The following PJVK variants were observed in gnomAD, a reference collection of about 807,000 sequenced individuals.
The protein encoded by PJVK is autosomal recessive deafness type 59 protein.
PJVK carries 33 observed loss-of-function variants against 37.6 expected under a neutral mutation model. That is an observed-to-expected ratio of 0.88 (90% CI 0.67 to 1.17). PJVK has a LOEUF of 1.17. PJVK is among the 50% of genes most tolerant of loss of function. The pLI, the probability that PJVK is intolerant of heterozygous loss-of-function variation, is 0.00. For missense variants in PJVK, 410 were observed against 413.8 expected, an observed-to-expected ratio of 0.99 and a Z score of 0.08; for synonymous variants, 141 against 143.5, an observed-to-expected ratio of 0.98 and a Z score of 0.13.
At position 178,453,458 on chromosome 2, in the gene PJVK, G is replaced by A. The variant is rs886043614; in HGVS notation, c.49G>A (p.Gly17Arg). Residue 17 changes from glycine (G) to arginine (R), a missense_variant, in exon 2 of 7, where the codon GGG (glycine) becomes AGG (arginine). Physicochemically the swap from Gly to Arg is moderately radical, Grantham distance 125 (BLOSUM62 -2). Coordinates refer to ENST00000644580, the MANE Select transcript of PJVK (RefSeq NM_001042702.5). ...KSFVKQVGDG[G>R]RLVPVPSLSE... ...CTTTGTCAAGCAAGTTGGAGATGGA[G>A]GGAGATTAGTTCCTGTTCCAAGCCT... 1 of 1,614,120 alleles carries A rather than the reference G, an allele frequency of 6.2e-7. No individual in the cohort carries two copies. The highest frequency in any genetic ancestry group is 8.5e-7 in the Non-Finnish European group (1 of 1,180,000).
At position 178,453,591 on chromosome 2, in the gene PJVK, T is replaced by C. The variant is rs1421400741; in HGVS notation, c.182T>C (p.Ile61Thr). 2 of 1,613,708 alleles carry C rather than the reference T, an allele frequency of 1.2e-6. No individual in the cohort carries two copies. The highest frequency in any genetic ancestry group is 1.7e-6 in the Non-Finnish European group (2 of 1,179,768). ...FTSTPFTLKD[I>T]LLGDREISAG... ...TCAACACCTTTTACACTGAAAGATA[T>C]TCTCCTAGGAGACAGAGAAATTTCA... is the stretch of plus-strand genomic sequence containing the variant. Residue 61 changes from isoleucine (I) to threonine (T), a missense_variant, in exon 2 of 7, where the codon ATT (isoleucine) becomes ACT (threonine). Ile to Thr is a moderately conservative substitution (Grantham distance 89). Coordinates refer to ENST00000644580, the MANE Select transcript of PJVK (RefSeq NM_001042702.5).
intron 3 of PJVK, chr2:178,454,846 C>T (rs369183819): frequency 3.0e-4 from 333 of 1,124,242 alleles, no homozygotes; most frequent in African/African-American, 2.1e-3. Flanking sequence ...AGCCTTGACT[C>T]CCCAGGGAAG....
chr2:178,454,616 A>C, intron 3 of PJVK, 89 bp downstream of exon 3: 1 of 1,477,600 alleles, frequency 6.8e-7, no homozygotes, highest in South Asian at 1.2e-5. Context: ...TAAAACATTG[A>C]GGTTGTATTT....
At chr2:178,456,202 ATTTT>A in intron 4 of PJVK, 51 bp downstream of exon 4, 1 of 1,593,566 alleles carries the variant, frequency 6.3e-7, no homozygotes, top group East Asian at 2.3e-5. Flanking sequence ...TGCCATGGGA[ATTTT>A]TTTAAGTATT....
chr2:178,460,307 A>G, intron 5 of PJVK, 41 bp from the exon 6 acceptor site: 1 of 1,474,338 alleles, frequency 6.8e-7, no homozygotes, highest in Non-Finnish European at 9.5e-7. Flanking sequence ...TAAAATATGA[A>G]TTATTCAAGT....
At chr2:178,458,457 G>C (rs1016661403) in intron 4 of PJVK, 53 bp from the exon 5 acceptor site, 75 of 1,380,482 alleles carry the variant, frequency 5.4e-5, no homozygotes, top group Non-Finnish European at 7.4e-5. Context: ...TCTCCAAAAA[G>C]CTATCCTTAC....
rs575089285 is a variant in PJVK at position 178,453,408 on chromosome 2, A to G, written c.-2A>G. ...TGCAGTTGATGACGTTTTGATTTTA[A>G]TATGTTTGCTGCTGCTACCAAGAGC... On this transcript the variant is annotated 5_prime_UTR_variant, in exon 2 of 7. Coordinates refer to ENST00000644580, the MANE Select transcript of PJVK (RefSeq NM_001042702.5). 5.6e-6 allele frequency: 9 copies of G among 1,614,016 alleles called. No individual in the cohort carries two copies. The highest frequency in any genetic ancestry group is 2.7e-5 in the African/African-American group (2 of 75,050).
At chr2:178,458,214 T>TAA (rs34944666) in intron 4 of PJVK, among the ~76,000 whole-genome samples, 1 of 143,824 alleles carries the variant, frequency 7.0e-6, no homozygotes, top group African/African-American at 2.6e-5. Context: ...GATTTCCTGT[T>TAA]AAAAAAAAAA....
chr2:178,458,688 C>T, intron 5 of PJVK, 61 bp downstream of exon 5: 2 of 1,209,682 alleles, frequency 1.7e-6, no homozygotes, highest in South Asian at 1.2e-5. Flanking sequence ...TTCATTAGGG[C>T]ATGTGCTCTC....
intron 5 of PJVK, chr2:178,459,249 G>C: frequency 2.1e-6 from 1 of 471,160 alleles, no homozygotes; most frequent in Non-Finnish European, 4.4e-6. Context: ...AAGGGATCAG[G>C]AAAGGCAGCC....
rs1684048875 is a variant in PJVK at position 178,455,999 on chromosome 2, C to A, written c.408-11C>A. The A allele has an allele frequency of 6.2e-7, 1 of 1,613,114 alleles. No homozygotes were observed. The highest frequency in any genetic ancestry group is 1.3e-5 in the African/African-American group (1 of 74,894). On this transcript the variant is annotated splice_polypyrimidine_tract_variant and intron_variant, in intron 3 of 6. Transcript: ENST00000644580. Reference sequence around the variant, plus strand: ...TTATAGAGTCTTGTGAATGTATCTTCTTTATTTTAGAAAAATTAACTTTGA... The same window carrying A: ...TTATAGAGTCTTGTGAATGTATCTTATTTATTTTAGAAAAATTAACTTTGA...
chr2:178,458,370 T>C (rs1384758778), intron 4 of PJVK, 140 bp from the exon 5 acceptor site: 4 of 655,044 alleles, frequency 6.1e-6, no homozygotes, highest in Non-Finnish European at 7.7e-6. Flanking sequence ...TAAAAAATGG[T>C]TTAATTCAAG....
Position 178,461,396 on chromosome 2 carries a change from C to A in PJVK, c.*122C>A. On this transcript the variant is annotated 3_prime_UTR_variant, in exon 7 of 7. Coordinates refer to ENST00000644580, the MANE Select transcript of PJVK (RefSeq NM_001042702.5). ...ATGAGAAAAGCAAAAAGAAATTAAC[C>A]TGTCTGGGTATCATATTCCCTATCT... The A allele has an allele frequency of 2.7e-6, 3 of 1,106,698 alleles. No individual in the cohort carries two copies. Among genetic ancestry groups the A allele is most frequent in the South Asian group, 1.4e-5 (1 of 74,046 alleles). 68.6% of individuals were successfully genotyped at this position (1,106,698 alleles called of 1,614,324 possible).
chr2:178,453,780 C>A (rs1697870098), intron 2 of PJVK, 160 bp downstream of exon 2: 2 of 614,214 alleles, frequency 3.3e-6, no homozygotes, highest in African/African-American at 1.9e-5. Flanking sequence ...ATTAACAATG[C>A]CAAAAGTTTG....
Position 178,454,436 on chromosome 2 carries a change from G to A in PJVK, c.316G>A (p.Gly106Arg). 2 of 1,613,954 alleles carry A rather than the reference G, an allele frequency of 1.2e-6. No homozygotes were observed. The highest frequency in any genetic ancestry group is 1.7e-6 in the Non-Finnish European group (2 of 1,179,970). ...IVNDVGINVA[G>R]SDSIAVKASF... is the part of the protein sequence containing the mutation. ...AAATGACGTTGGGATTAACGTTGCT[G>A]GATCAGATTCCATTGCAGTGAAAGC... The change falls in exon 3 of 7, where the codon GGA becomes AGA. Residue 106 changes from glycine (G) to arginine (R), a missense_variant. Gly to Arg is a moderately radical substitution (Grantham distance 125). Transcript: ENST00000644580.
At chr2:178,455,941 C>A in intron 3 of PJVK, 69 bp from the exon 4 acceptor site, 1 of 1,559,178 alleles carries the variant, frequency 6.4e-7, no homozygotes, top group Non-Finnish European at 8.8e-7. Flanking sequence ...CACATGATAG[C>A]AAAAAATGTA....
intron 3 of PJVK, chr2:178,454,745 G>A: frequency 6.4e-7 from 1 of 1,571,690 alleles, no homozygotes; most frequent in Admixed American, 1.8e-5. Flanking sequence ...CCCAGATCAA[G>A]GAGCTAACTG....
chr2:178,454,556 G>A (rs1697932895), intron 3 of PJVK, 29 bp downstream of exon 3: 2 of 1,597,148 alleles, frequency 1.3e-6, no homozygotes, highest in South Asian at 1.1e-5. Flanking sequence ...ATATATTTCA[G>A]TGTTTTCATT....
At position 178,453,029 on chromosome 2, in the gene PJVK, T is replaced by C. The variant is rs183141829; in HGVS notation, c.-22-359T>C. On this transcript the variant is annotated intron_variant, in intron 1 of 6. Transcript: ENST00000644580. ...ATCGTTAGTGCCTAAATTGCATTGCTTCCCACAGCACTATATGCTTCCCTT... is the reference window on the plus strand; with the variant it reads ...ATCGTTAGTGCCTAAATTGCATTGCCTCCCACAGCACTATATGCTTCCCTT... The C allele has an allele frequency of 1.9e-3, 485 of 260,040 alleles. 2 individuals carry two copies. Among genetic ancestry groups the C allele is most frequent in the Non-Finnish European group, 2.9e-3 (384 of 131,694 alleles). 16.1% of individuals were successfully genotyped at this position (260,040 alleles called of 1,614,324 possible).
Sources: allele counts gnomAD v4.1 joint callset (sites outside exome capture counted in the v4.1 genomes callset), GRCh38; gene constraint gnomAD v4.1.1; transcripts MANE v1.5; gene names NCBI Gene and HGNC (gene_info 2026-07-23, HGNC 2026-07-21).